The following MCF2 variants were observed in gnomAD, a reference collection of about 807,000 sequenced individuals.
MCF2 encodes the protein MCF.2 cell line derived transforming sequence.
In MCF2, 44 loss-of-function variants were observed where a neutral mutation model predicts 82.5. The ratio of observed to expected loss-of-function variants is 0.53; its 90% CI spans 0.42 to 0.69. The LOEUF (loss-of-function observed/expected upper bound fraction) is 0.69. MCF2 is among the 30% of genes least tolerant of loss of function. The pLI is 0.00. For missense variants in MCF2, 623 were observed against 663.1 expected (o/e 0.94, Z 0.66); for synonymous variants, 217 against 224.9 (o/e 0.96, Z 0.32).
intron 1 of MCF2, among the ~76,000 whole-genome samples, chrX:139,675,484 T>C (rs1255321938): frequency 8.9e-6 from 1 of 112,547 alleles, no homozygotes; most frequent in African/African-American, 3.2e-5. Context: ...GATGGCGTTT[T>C]GCTGTGGATG....
At chrX:139,663,697 A>G (rs1455264237) in intron 1 of MCF2, among the ~76,000 whole-genome samples, 1 of 108,622 alleles carries the variant, frequency 9.2e-6, no homozygotes, top group African/African-American at 3.4e-5. Context: ...ACTAATTTAC[A>G]GTTTAAATCG....
At chrX:139,640,247 CTG>C (rs1933484044) in intron 1 of MCF2, among the ~76,000 whole-genome samples, 1 of 112,071 alleles carries the variant, frequency 8.9e-6, no homozygotes, top group South Asian at 3.7e-4. Flanking sequence ...TCATAATTTA[CTG>C]TCAGACAAAT....
chrX:139,603,167 T>A (rs1277267129), intron 15 of MCF2, among the ~76,000 whole-genome samples: 13 of 112,674 alleles, frequency 1.2e-4, no homozygotes, highest in African/African-American at 4.2e-4. Flanking sequence ...TGTTTTTATA[T>A]CTAAATAGAT....
chrX:139,633,095 A>C (rs1933005344), intron 1 of MCF2, among the ~76,000 whole-genome samples: 1 of 111,859 alleles, frequency 8.9e-6, no homozygotes, highest in Non-Finnish European at 1.9e-5. Flanking sequence ...AATAATATAC[A>C]AGGGGAAATG....
chrX:139,658,118 T>C (rs1044115864), intron 1 of MCF2, among the ~76,000 whole-genome samples: 7 of 110,820 alleles, frequency 6.3e-5, no homozygotes, highest in Non-Finnish European at 1.3e-4. Context: ...TTGGGAGGGG[T>C]CAGTAAGGGA....
chrX:139,582,851 A>G lies in MCF2; in HGVS notation c.2746-348T>C, dbSNP rs749794669. 4.5e-5 allele frequency among the ~76,000 whole-genome samples: 5 copies of G among 112,128 alleles called. No individual in the cohort carries two copies. In the East Asian group the frequency reaches 1.4e-3, roughly 31 times the overall value. ...CATCTACAGCAAACGGTTAAACACAAACTGGCTTCCTCTGACTTTTTGCTC... is the reference window on the plus strand; with the variant it reads ...CATCTACAGCAAACGGTTAAACACAGACTGGCTTCCTCTGACTTTTTGCTC... On this transcript the variant is annotated intron_variant, in intron 24 of 24. Transcript: ENST00000370576.
At chrX:139,677,755 A>G (rs1934905396) in intron 1 of MCF2, among the ~76,000 whole-genome samples, 1 of 112,204 alleles carries the variant, frequency 8.9e-6, no homozygotes, top group South Asian at 3.7e-4. Context: ...CTAAACATTG[A>G]ACGTCTAAGT....
chrX:139,673,383 C>T (rs772070035), intron 1 of MCF2, among the ~76,000 whole-genome samples: 2 of 111,334 alleles, frequency 1.8e-5, no homozygotes, highest in South Asian at 3.8e-4. Flanking sequence ...GCTCTTGCTT[C>T]TCTAGTTCTT....
chrX:139,658,678 T>G (rs1410100046), intron 1 of MCF2, among the ~76,000 whole-genome samples: 2 of 95,508 alleles, frequency 2.1e-5, no homozygotes, highest in Non-Finnish European at 4.2e-5. Flanking sequence ...TTTTTTTTTT[T>G]TTTTTTTTTT....
At chrX:139,634,433 A>G (rs1205054968) in intron 1 of MCF2, among the ~76,000 whole-genome samples, 1 of 111,811 alleles carries the variant, frequency 8.9e-6, no homozygotes, top group Non-Finnish European at 1.9e-5. Context: ...TATAAAACAT[A>G]GACTCTTTGG....
chrX:139,687,561 G>C (rs1212167516), intron 1 of MCF2, among the ~76,000 whole-genome samples: 6 of 112,549 alleles, frequency 5.3e-5, no homozygotes, highest in African/African-American at 1.6e-4. Flanking sequence ...AGCAGAGACA[G>C]GGACAATTGC....
At chrX:139,582,582 T>G (rs1928570447) in intron 24 of MCF2, 79 bp from the exon 29 acceptor site, 1 of 742,892 alleles carries the variant, frequency 1.3e-6, no homozygotes, top group Non-Finnish European at 2.1e-6. Context: ...CATTCCAGCT[T>G]CTTGTTTTGG....
At chrX:139,670,911 T>G (rs1025464947) in intron 1 of MCF2, among the ~76,000 whole-genome samples, 2 of 111,933 alleles carry the variant, frequency 1.8e-5, no homozygotes, top group Non-Finnish European at 3.8e-5. Context: ...ATGGTTGAAG[T>G]AGTTTACACT....
intron 4 of MCF2, 147 bp from the exon 8 acceptor site, chrX:139,626,903 A>C: frequency 2.1e-6 from 1 of 478,613 alleles, no homozygotes; most frequent in Non-Finnish European, 3.4e-6. Context: ...GAAAATTCAC[A>C]AAATTTCAAA....
At chrX:139,663,138 C>T (rs1294971458) in intron 1 of MCF2, among the ~76,000 whole-genome samples, 1 of 112,015 alleles carries the variant, frequency 8.9e-6, no homozygotes, top group African/African-American at 3.3e-5. Context: ...ATACTGATTT[C>T]TTTTCATTTG....
Position 139,585,065 on chromosome X carries a change from C to T in MCF2, c.2745+1G>A. On this transcript the variant is annotated splice_donor_variant, in intron 24 of 24. Transcript: ENST00000370576. LOFTEE classifies it high-confidence loss of function. ...TTTTAATTTACTATATTATTACTAA[C>T]CATGAGGGGCCTATTTTCTTCTTCA... 8.7e-7 allele frequency: 1 copy of T among 1,155,940 alleles called. No homozygotes were observed. The highest frequency in any genetic ancestry group is 1.9e-5 in the South Asian group (1 of 53,070).
intron 1 of MCF2, among the ~76,000 whole-genome samples, chrX:139,636,168 G>A (rs1044476955): frequency 9.0e-6 from 1 of 111,335 alleles, no homozygotes; most frequent in Non-Finnish European, 1.9e-5. Context: ...GCTAGCTTAA[G>A]GGAAGAATCT....
chrX:139,615,025 G>A (rs1056884414), exon 10 of MCF2: 1 of 1,208,311 alleles, frequency 8.3e-7, no homozygotes. Flanking sequence ...ATGTTTTCAA[G>A]CTTGAGTTGT....
intron 1 of MCF2, among the ~76,000 whole-genome samples, chrX:139,692,560 G>A (rs1255552894): frequency 8.9e-5 from 10 of 112,131 alleles, no homozygotes; most frequent in Admixed American, 3.7e-4. Flanking sequence ...GAGAATTTCT[G>A]CAGAGATTCC....
Sources: gnomAD v4.1 joint callset for allele counts (sites outside exome capture counted in the v4.1 genomes callset) on GRCh38, gnomAD v4.1.1 for gene constraint, MANE v1.5 for transcripts, NCBI Gene and HGNC (gene_info 2026-07-23, HGNC 2026-07-21) for gene names.